PCNX2: variants seen among roughly 807,000 people sequenced by gnomAD.
PCNX2 encodes the protein pecanex 2.
In PCNX2, 168 loss-of-function variants were observed where a neutral mutation model predicts 223.8. The ratio of observed to expected loss-of-function variants is 0.75; its 90% CI spans 0.66 to 0.85. The LOEUF is 0.85. Ranked by LOEUF, PCNX2 falls within the 40% of genes least tolerant of loss-of-function variation. The pLI, the probability that PCNX2 is intolerant of heterozygous loss-of-function variation, is 0.00. For missense variants in PCNX2, 2,507 were observed against 2,675.5 expected, an observed-to-expected ratio of 0.94 and a Z score of 1.39; for synonymous variants, 1,006 against 1,052.6, an observed-to-expected ratio of 0.96 and a Z score of 0.86.
chr1:233,240,541 C>T (rs148984515), intron 8 of PCNX2, among the ~76,000 whole-genome samples: 10 of 152,284 alleles, frequency 6.6e-5, no homozygotes, highest in African/African-American at 2.2e-4. Context: ...CTACAGTACA[C>T]GATACTTAGC....
intron 26 of PCNX2, among the ~76,000 whole-genome samples, chr1:233,024,569 A>C (rs952125375): frequency 2.6e-5 from 4 of 152,226 alleles, no homozygotes; most frequent in African/African-American, 9.7e-5. Flanking sequence ...CTTGTTTTCC[A>C]GGAGACTTAC....
chr1:233,008,883 C>A (rs1469306877), intron 28 of PCNX2, among the ~76,000 whole-genome samples: 3 of 152,198 alleles, frequency 2.0e-5, no homozygotes, highest in Non-Finnish European at 4.4e-5. Context: ...CAGGACAGGT[C>A]CACAAGGAAG....
chr1:233,221,004 T>C (rs1477606555), intron 10 of PCNX2, among the ~76,000 whole-genome samples: 1 of 152,198 alleles, frequency 6.6e-6, no homozygotes, highest in Non-Finnish European at 1.5e-5. Context: ...CCGAGAGGCA[T>C]AGCCTTGGGC....
In PCNX2 at chr1:233,198,977, C is replaced by T. The variant is rs1406329012; in HGVS notation, c.3028G>A (p.Ala1010Thr). 1.2e-6 allele frequency: 2 copies of T among 1,605,834 alleles called. No individual in the cohort carries two copies. The highest frequency in any genetic ancestry group is 2.7e-5 in the African/African-American group (2 of 74,776). ...AAGCAGACTGCGTGGAGCAGGGCGG[C>T]AGCCAAGACGCTCCGGGCCACACTG... ...VYSVARSVLAAALLHAVCFSA... is the reference protein window; with the variant it reads ...VYSVARSVLATALLHAVCFSA... Residue 1010 changes from alanine (A) to threonine (T), a missense_variant, in exon 15 of 34, where the codon GCC becomes ACC. Physicochemically the swap from Ala to Thr is moderately conservative, Grantham distance 58. Transcript: ENST00000258229.
chr1:233,206,828 T>C (rs923888708), intron 13 of PCNX2, among the ~76,000 whole-genome samples: 1 of 151,982 alleles, frequency 6.6e-6, no homozygotes, highest in Non-Finnish European at 1.5e-5. Flanking sequence ...CTGGCCAATA[T>C]GGTGAAACCC....
chr1:233,071,950 GA>G lies in PCNX2; in HGVS notation c.4077-14661del, dbSNP rs1297596408. On this transcript the variant is annotated intron_variant, in intron 23 of 33. Transcript: ENST00000258229. The stretch of plus-strand genomic sequence containing the variant: ...CTTGGCTGCATGTATGTATTCTTTT[GA>G]AAAGTGTCTGTTCATGTCCTTTGCC... Among the ~76,000 whole-genome samples, 10 of 152,196 alleles carry G rather than the reference GA, an allele frequency of 6.6e-5. No individual in the cohort carries two copies. The East Asian group carries it at 1.9e-3, about 29-fold the overall frequency.
At chr1:233,242,265 G>C (rs1558383222) in intron 8 of PCNX2, among the ~76,000 whole-genome samples, 1 of 152,084 alleles carries the variant, frequency 6.6e-6, no homozygotes, top group Non-Finnish European at 1.5e-5. Flanking sequence ...AGTGAATTCA[G>C]ATAAATATTT....
chr1:233,307,583 A>G, the PCNX2 span, among the ~76,000 whole-genome samples: 1 of 152,150 alleles, frequency 6.6e-6, no homozygotes, highest in Non-Finnish European at 1.5e-5. Flanking sequence ...ACAGCAACAC[A>G]AAAAGACTAA....
rs1048795477 is a variant in PCNX2, at chr1:233,139,654, T to A, written c.3659+60A>T. On this transcript the variant is annotated intron_variant, in intron 20 of 33. Transcript: ENST00000258229. The surrounding 1 kb of genome is among the most constrained non-coding windows in gnomAD (Gnocchi z 4.4). ...TCTTCTGCAGATTGTTTACAGAAAA[T>A]TCACTCGATTTTGAAAATGTGACCC... 9 of 1,514,952 alleles carry A rather than the reference T, an allele frequency of 5.9e-6. No homozygotes were observed. The African/African-American group carries it at 1.3e-4, about 21-fold the overall frequency. The allele number at this position is 1,514,952 out of a possible 1,614,324, so 93.8% of individuals were successfully genotyped here. A position where few individuals can be genotyped will look rare whatever the true frequency, so the allele number is the denominator to read the frequency against.
chr1:233,272,957 G>T (rs1177938928), intron 1 of PCNX2, among the ~76,000 whole-genome samples: 1 of 151,994 alleles, frequency 6.6e-6, no homozygotes, highest in Non-Finnish European at 1.5e-5. Flanking sequence ...AGGATGCAAA[G>T]GCATAAGAAT....
At chr1:232,986,594 AC>A (rs1383339203) in intron 32 of PCNX2, 54 bp from the exon 33 acceptor site, 1 of 1,429,170 alleles carries the variant, frequency 7.0e-7, no homozygotes, top group East Asian at 2.5e-5. Flanking sequence ...GAACATCGAT[AC>A]CTGTGTGGTG....
At chr1:233,130,866 G>A (rs1223515882) in intron 21 of PCNX2, among the ~76,000 whole-genome samples, 6 of 151,928 alleles carry the variant, frequency 3.9e-5, no homozygotes, top group Admixed American at 1.3e-4. Flanking sequence ...GGGGAGTGGG[G>A]GATTTGGGGG....
intron 10 of PCNX2, among the ~76,000 whole-genome samples, chr1:233,223,737 T>C (rs2102939916): frequency 6.6e-6 from 1 of 152,306 alleles, no homozygotes; most frequent in Admixed American, 6.5e-5. Flanking sequence ...CCTGTGTTAG[T>C]TTGCTGAGAA....
chr1:233,258,510 C>T lies in PCNX2; in HGVS notation c.1352G>A (p.Ser451Asn), dbSNP rs1395672777. 1 of 1,613,896 alleles carries T rather than the reference C, an allele frequency of 6.2e-7. No homozygotes were observed. The highest frequency in any genetic ancestry group is 1.3e-5 in the African/African-American group (1 of 74,928). Residue 451 changes from serine (S) to asparagine (N), a missense_variant, in exon 5 of 34, where the codon AGT (serine) becomes AAT (asparagine). By Grantham distance (46) the Ser-to-Asn change is conservative. Around this residue, in one of 3 missense-constraint regions of PCNX2, gnomAD observed 1,031 missense variants for 1,021.7 expected, o/e 1.01. Coordinates refer to ENST00000258229, the MANE Select transcript of PCNX2 (RefSeq NM_014801.4). ...GGVPCPEGNG[S>N]ERTPERLKTR... ...CTTCAGTCTCTCTGGAGTCCTTTCA[C>T]TTCCATTGCCTTCGGGACAGGGAAC...
intron 28 of PCNX2, among the ~76,000 whole-genome samples, chr1:233,005,113 C>G (rs1260977790): frequency 2.0e-5 from 3 of 152,160 alleles, no homozygotes; most frequent in Non-Finnish European, 2.9e-5. Context: ...CTCACAGCAT[C>G]AGATAGGAGC....
chr1:233,198,962 C>G lies in PCNX2; in HGVS notation c.3043G>C (p.Ala1015Pro). ...RSVLAAALLH[A>P]VCFSAVKEPW... ...ACCTTCACTGCACTGAAGCAGACTGCGTGGAGCAGGGCGGCAGCCAAGACG... is the reference window on the plus strand; with the variant it reads ...ACCTTCACTGCACTGAAGCAGACTGGGTGGAGCAGGGCGGCAGCCAAGACG... The change falls in exon 15 of 34, where the codon GCA becomes CCA. Residue 1015 changes from alanine (A) to proline (P), a missense_variant. By Grantham distance (27) the Ala-to-Pro change is conservative. Transcript: ENST00000258229. 6.2e-7 allele frequency: 1 copy of G among 1,605,786 alleles called. No individual in the cohort carries two copies. Among genetic ancestry groups the G allele is most frequent in the Non-Finnish European group, 8.5e-7 (1 of 1,176,604 alleles).
At chr1:233,111,606 G>T (rs1387709472) in intron 21 of PCNX2, among the ~76,000 whole-genome samples, 1 of 151,956 alleles carries the variant, frequency 6.6e-6, no homozygotes, top group African/African-American at 2.4e-5. Context: ...GTCTCCCTAT[G>T]TTGTCCAGGG....
intron 1 of PCNX2, among the ~76,000 whole-genome samples, chr1:233,275,023 T>C (rs372672182): frequency 6.6e-6 from 1 of 152,224 alleles, no homozygotes; most frequent in East Asian, 1.9e-4. Context: ...AAATCACATT[T>C]GTGAATGCAC....
chr1:233,318,940 T>C, the PCNX2 span, among the ~76,000 whole-genome samples: 78 of 151,910 alleles, frequency 5.1e-4, no homozygotes, highest in South Asian at 1.0e-3. Flanking sequence ...TCTGCAAGAC[T>C]CTCTCATACT....
Sources: allele counts gnomAD v4.1 joint callset (sites outside exome capture counted in the v4.1 genomes callset), GRCh38; gene constraint gnomAD v4.1.1; regional missense constraint gnomAD v4.1.1; non-coding constraint Gnocchi (gnomAD v3.1); transcripts MANE v1.5; gene names NCBI Gene and HGNC (gene_info 2026-07-23, HGNC 2026-07-21).